Variants in UBE2Z observed in about 807,000 individuals in gnomAD.
UBE2Z encodes ubiquitin conjugating enzyme E2 Z.
A neutral mutation model predicts 32.6 loss-of-function variants in UBE2Z; 10 were observed. That is an observed-to-expected ratio of 0.31 (90% confidence interval 0.19 to 0.52). The LOEUF is 0.52. UBE2Z is among the 20% of genes least tolerant of loss of function. The pLI, the probability that UBE2Z is intolerant of heterozygous loss-of-function variation, is 0.97. For missense variants in UBE2Z, 343 were observed against 480.9 expected (o/e 0.71, Z 2.68); for synonymous variants, 183 against 190.8 (o/e 0.96, Z 0.34).
chr17:48,920,479 G>A (rs1399231848), intron 4 of UBE2Z, among the ~76,000 whole-genome samples: 1 of 151,582 alleles, frequency 6.6e-6, no homozygotes, highest in Non-Finnish European at 1.5e-5. Context: ...CCTGGGTGAC[G>A]AGCAAAACTC....
At chr17:48,911,092 A>G (rs1002534492) in intron 2 of UBE2Z, 3 of 537,108 alleles carry the variant, frequency 5.6e-6, no homozygotes, top group Admixed American at 6.1e-5. Context: ...ATAGGTACTG[A>G]TTGGCTTGGA....
At chr17:48,919,505 C>T (rs1390113953) in intron 4 of UBE2Z, among the ~76,000 whole-genome samples, 1 of 152,160 alleles carries the variant, frequency 6.6e-6, no homozygotes, top group Non-Finnish European at 1.5e-5. Flanking sequence ...GAGACAAAGT[C>T]TTGCTTTGTC....
At chr17:48,913,080 G>T (rs946107943) in intron 3 of UBE2Z, 59 bp downstream of exon 3, 1 of 1,547,954 alleles carries the variant, frequency 6.5e-7, no homozygotes, top group Non-Finnish European at 8.8e-7. Context: ...CTCTAGGTCA[G>T]CCTTTATCAA....
intron 1 of UBE2Z, among the ~76,000 whole-genome samples, chr17:48,909,640 T>G (rs2040661206): frequency 6.7e-6 from 1 of 150,024 alleles, no homozygotes; most frequent in African/African-American, 2.5e-5. Flanking sequence ...TTTCTGTGCT[T>G]ATTTCTTGGG....
chr17:48,920,145 G>A (rs1202336335), intron 4 of UBE2Z, among the ~76,000 whole-genome samples: 1 of 152,092 alleles, frequency 6.6e-6, no homozygotes, highest in East Asian at 1.9e-4. Context: ...CTCTGATCAT[G>A]CCACCACTCT....
At chr17:48,918,951 T>A (rs2040740465) in intron 4 of UBE2Z, among the ~76,000 whole-genome samples, 1 of 152,152 alleles carries the variant, frequency 6.6e-6, no homozygotes, top group Non-Finnish European at 1.5e-5. Context: ...TTCGCCCTGT[T>A]GGCCAGGCTT....
chr17:48,921,639 T>C (rs1180796547), intron 5 of UBE2Z, among the ~76,000 whole-genome samples: 2 of 152,212 alleles, frequency 1.3e-5, no homozygotes, highest in East Asian at 1.9e-4. Flanking sequence ...GTTAAATAAA[T>C]AAACTTCTAG....
chr17:48,925,400 G>A (rs11079842), intron 6 of UBE2Z, among the ~76,000 whole-genome samples: 41,736 of 152,022 alleles, frequency 0.27, 6,053 homozygotes, highest in Admixed American at 0.41. Context: ...CACCAACAGC[G>A]TAGGAGGAGA....
rs766694511 is a variant in UBE2Z at position 48,908,794 on chromosome 17, G to T, written c.291G>T (p.Ala97=). Residue 97 remains alanine (A), a synonymous_variant, in exon 1 of 7, where the codon GCG becomes GCT. Coordinates refer to ENST00000360943, the MANE Select transcript of UBE2Z (RefSeq NM_023079.5). ...LSSDWDGERT[A]PQCLLRIKRD... Reference sequence around the variant, plus strand: ...CCGACTGGGACGGCGAGCGCACCGCGCCGCAGTGTCTACTCCGGATCAAGC... The same window carrying T: ...CCGACTGGGACGGCGAGCGCACCGCTCCGCAGTGTCTACTCCGGATCAAGC... The T allele has an allele frequency of 4.0e-6, 6 of 1,506,260 alleles. No individual in the cohort carries two copies. The highest frequency in any genetic ancestry group is 5.3e-6 in the Non-Finnish European group (6 of 1,132,544). 93.3% of individuals were successfully genotyped at this position (1,506,260 alleles called of 1,614,324 possible). A position where few individuals can be genotyped will look rare whatever the true frequency, so the allele number is the denominator to read the frequency against.
intron 4 of UBE2Z, among the ~76,000 whole-genome samples, chr17:48,918,205 TG>T (rs1352073061): frequency 1.3e-5 from 2 of 152,200 alleles, no homozygotes; most frequent in Admixed American, 6.5e-5. Flanking sequence ...CTGAAAGTGC[TG>T]GGATTACAGG....
rs879203141 is a variant in UBE2Z, at chr17:48,927,196, C to A, written c.*62C>A. ...CCCAGCAGAATCCCTTCCCCCCACCCCAGGGATGGAGAGGCACTGTGTATC... is the reference window on the plus strand; with the variant it reads ...CCCAGCAGAATCCCTTCCCCCCACCACAGGGATGGAGAGGCACTGTGTATC... On this transcript the variant is annotated 3_prime_UTR_variant, in exon 7 of 7. Transcript: ENST00000360943. 3.9e-5 allele frequency: 61 copies of A among 1,548,658 alleles called. No homozygotes were observed. The South Asian group carries it at 5.6e-4, about 14-fold the overall frequency.
intron 4 of UBE2Z, 50 bp from the exon 5 acceptor site, chr17:48,921,109 GT>G: frequency 1.3e-6 from 2 of 1,493,128 alleles, no homozygotes; most frequent in Non-Finnish European, 1.8e-6. Flanking sequence ...CTTCCCATTG[GT>G]TTTCTTTTTG....
At position 48,914,587 on chromosome 17, in the gene UBE2Z, A is replaced by G. The variant is rs551409154; in HGVS notation, c.579-1489A>G. Among the ~76,000 whole-genome samples the G allele has an allele frequency of 1.8e-4, 28 of 152,310 alleles. No homozygotes were observed. In the South Asian group the frequency reaches 5.6e-3, roughly 30 times the overall value. ...AAATTTGTTCGCGAAAGCGTGTCTC[A>G]AAGTAGGCTCTCCCTCATTGGGTCA... is the stretch of plus-strand genomic sequence containing the variant. On this transcript the variant is annotated intron_variant, in intron 3 of 6. Coordinates refer to ENST00000360943, the MANE Select transcript of UBE2Z (RefSeq NM_023079.5).
chr17:48,927,308 G>A lies in UBE2Z; in HGVS notation c.*174G>A, dbSNP rs2040804865. The A allele has an allele frequency of 3.0e-6, 2 of 673,384 alleles. No homozygotes were observed. The highest frequency in any genetic ancestry group is 4.9e-6 in the Non-Finnish European group (2 of 405,778). 41.7% of individuals were successfully genotyped at this position (673,384 alleles called of 1,614,324 possible). On this transcript the variant is annotated 3_prime_UTR_variant, in exon 7 of 7. Transcript: ENST00000360943. The stretch of plus-strand genomic sequence containing the variant: ...GTGTGGGAGTGGGGGCCTGTTCCCG[G>A]TCTGACCTCCTTGGCACTGGAGCAT...
Position 48,908,666 on chromosome 17 carries a change from G to A in UBE2Z, c.163G>A (p.Ala55Thr). The A allele has an allele frequency of 8.2e-7, 1 of 1,224,232 alleles. No individual in the cohort carries two copies. The highest frequency in any genetic ancestry group is 1.0e-6 in the Non-Finnish European group (1 of 982,572). The allele number at this position is 1,224,232 out of a possible 1,614,324, so 75.8% of individuals were successfully genotyped here. A position where few individuals can be genotyped will look rare whatever the true frequency, so the allele number is the denominator to read the frequency against. The part of the protein sequence containing the change: ...VWAAAAAAGG[A>T]GGPGSGLAPL... Reference sequence around the variant, plus strand: ...GGCGGCGGCGGCGGCAGCGGGCGGGGCCGGGGGCCCGGGGAGCGGCCTGGC... The same window carrying A: ...GGCGGCGGCGGCGGCAGCGGGCGGGACCGGGGGCCCGGGGAGCGGCCTGGC... The change falls in exon 1 of 7, where the codon GCC becomes ACC. Residue 55 changes from alanine to threonine, a missense_variant. Around this residue, in one of 4 missense-constraint regions of UBE2Z, gnomAD observed 103 missense variants for 96.2 expected, o/e 1.07. Transcript: ENST00000360943.
chr17:48,923,204 C>T, intron 6 of UBE2Z: 1 of 247,580 alleles, frequency 4.0e-6, no homozygotes, highest in Middle Eastern at 1.4e-3. Flanking sequence ...ACCTGTAGTC[C>T]CATCTACTCA....
intron 4 of UBE2Z, among the ~76,000 whole-genome samples, chr17:48,917,694 C>G (rs1213751539): frequency 6.6e-6 from 1 of 152,150 alleles, no homozygotes; most frequent in East Asian, 1.9e-4. Flanking sequence ...CTTGTTTAAC[C>G]TTCATACTAT....
At chr17:48,910,382 T>G in intron 1 of UBE2Z, 1 of 185,360 alleles carries the variant, frequency 5.4e-6, no homozygotes, top group East Asian at 1.3e-4. Flanking sequence ...TAGAATTAGT[T>G]TTTTAGTGGA....
chr17:48,909,504 A>T (rs1187334921), intron 1 of UBE2Z, among the ~76,000 whole-genome samples: 1 of 149,182 alleles, frequency 6.7e-6, no homozygotes, highest in Middle Eastern at 3.2e-3. Context: ...TCTGGATTGT[A>T]ATATCCCACT....
Sources: allele counts gnomAD v4.1 joint callset (sites outside exome capture counted in the v4.1 genomes callset), GRCh38; gene constraint gnomAD v4.1.1; regional missense constraint gnomAD v4.1.1; transcripts MANE v1.5; gene names NCBI Gene and HGNC (gene_info 2026-07-23, HGNC 2026-07-21).